The following B3GALT1 variants were observed in gnomAD, a reference collection of about 807,000 sequenced individuals.
B3GALT1 encodes beta-1,3-galactosyltransferase 1.
Under a neutral mutation model 23.2 loss-of-function variants are expected in B3GALT1, and 10 were observed. The observed-to-expected ratio is 0.43, with a 90% CI of 0.27 to 0.73. The LOEUF is 0.73. Among genes scored for constraint, B3GALT1 ranks in the 30% least tolerant of loss-of-function variants. The pLI, the probability that B3GALT1 is intolerant of heterozygous loss-of-function variation, is 0.21. For synonymous variants in B3GALT1, 156 were observed against 141.5 expected (o/e 1.10, Z -0.73); for missense variants, 299 against 405.4 (o/e 0.74, Z 2.25).
intron 1 of B3GALT1, among the ~76,000 whole-genome samples, chr2:167,446,004 G>C (rs1005166160): frequency 6.6e-6 from 1 of 152,154 alleles, no homozygotes; most frequent in Non-Finnish European, 1.5e-5. Flanking sequence ...GCTGGTACTG[G>C]TTGTTCCTTT....
chr2:167,489,391 G>A (rs1479358364), intron 1 of B3GALT1, among the ~76,000 whole-genome samples: 1 of 152,128 alleles, frequency 6.6e-6, no homozygotes, highest in Non-Finnish European at 1.5e-5. Flanking sequence ...GGGGTGTAGA[G>A]GTGTTTGGGT....
At chr2:167,835,192 G>A (rs1481816001) in intron 4 of B3GALT1, among the ~76,000 whole-genome samples, 1 of 152,166 alleles carries the variant, frequency 6.6e-6, no homozygotes, top group Non-Finnish European at 1.5e-5. Flanking sequence ...AGGTTAGTGG[G>A]TGCAGCACAC....
chr2:167,794,467 C>A (rs1353090059), intron 3 of B3GALT1, among the ~76,000 whole-genome samples: 1 of 152,134 alleles, frequency 6.6e-6, no homozygotes, highest in East Asian at 1.9e-4. Context: ...ATAACAATAA[C>A]CAGAGCATTT....
At chr2:167,663,856 T>G (rs1375728228) in intron 3 of B3GALT1, among the ~76,000 whole-genome samples, 1 of 152,160 alleles carries the variant, frequency 6.6e-6, no homozygotes, top group South Asian at 2.1e-4. Flanking sequence ...AGATTCTGGA[T>G]GTTAGCCCTT....
At chr2:167,482,231 A>G (rs1699571289) in intron 1 of B3GALT1, among the ~76,000 whole-genome samples, 2 of 152,206 alleles carry the variant, frequency 1.3e-5, no homozygotes, top group East Asian at 1.9e-4. Flanking sequence ...CAAATGAATA[A>G]TATATCAAAA....
chr2:167,619,165 G>A (rs549909212), intron 2 of B3GALT1, among the ~76,000 whole-genome samples: 1 of 151,628 alleles, frequency 6.6e-6, no homozygotes, highest in African/African-American at 2.4e-5. Context: ...TTATCTGTAT[G>A]CACTCCTAGA....
rs535037479 is a variant in B3GALT1 at position 167,597,317 on chromosome 2, G to A, written c.-409-49592G>A. ...TTTTCAGTAGAGACGGGGTTTCACC[G>A]TGTTAAACAAGATAGTCTCGATCTC... On this transcript the variant is annotated intron_variant, in intron 2 of 4. Transcript: ENST00000392690. Among the ~76,000 whole-genome samples, 123 of 151,792 alleles carry A rather than the reference G, an allele frequency of 8.1e-4. No individual in the cohort carries two copies. In the South Asian group the frequency reaches 0.011, roughly 13 times the overall value.
At chr2:167,578,028 A>C (rs1013578675) in intron 2 of B3GALT1, among the ~76,000 whole-genome samples, 1 of 151,952 alleles carries the variant, frequency 6.6e-6, no homozygotes, top group East Asian at 1.9e-4. Context: ...TTTACCCTGC[A>C]CAATTCTATT....
intron 2 of B3GALT1, among the ~76,000 whole-genome samples, chr2:167,573,545 G>C (rs980923522): frequency 6.6e-6 from 1 of 151,576 alleles, no homozygotes; most frequent in Non-Finnish European, 1.5e-5. Context: ...TTAGATTTTG[G>C]ATTTTATAGG....
At chr2:167,659,148 A>G (rs1356181527) in intron 3 of B3GALT1, among the ~76,000 whole-genome samples, 1 of 152,168 alleles carries the variant, frequency 6.6e-6, no homozygotes, top group Non-Finnish European at 1.5e-5. Flanking sequence ...ACTCAGAGAT[A>G]TAAACAAGAT....
At chr2:167,749,679 C>A (rs191678140) in intron 3 of B3GALT1, among the ~76,000 whole-genome samples, 188 of 152,266 alleles carry the variant, frequency 1.2e-3, no homozygotes, top group Middle Eastern at 3.4e-3. Context: ...AAATCCTCTC[C>A]ACTTGGAGTC....
intron 1 of B3GALT1, among the ~76,000 whole-genome samples, chr2:167,449,422 A>T (rs1229195513): frequency 6.6e-6 from 1 of 152,144 alleles, no homozygotes; most frequent in Non-Finnish European, 1.5e-5. Context: ...TAATGGAGCT[A>T]CTGATTTGTG....
At chr2:167,644,979 A>G (rs1391645643) in intron 2 of B3GALT1, among the ~76,000 whole-genome samples, 5 of 152,060 alleles carry the variant, frequency 3.3e-5, no homozygotes, top group Admixed American at 3.3e-4. Context: ...TACTGGAAAA[A>G]GTCTGAAACT....
intron 1 of B3GALT1, among the ~76,000 whole-genome samples, chr2:167,306,696 T>C (rs777174420): frequency 2.0e-5 from 3 of 151,994 alleles, no homozygotes; most frequent in Non-Finnish European, 4.4e-5. Context: ...TGTAACAAAG[T>C]GCATCTTAAT....
intron 1 of B3GALT1, among the ~76,000 whole-genome samples, chr2:167,344,741 A>G (rs545257260): frequency 3.8e-4 from 58 of 152,334 alleles, no homozygotes; most frequent in African/African-American, 1.3e-3. Context: ...AAATAAACAC[A>G]AAAGTTTACA....
chr2:167,319,492 A>G (rs1475934172), intron 1 of B3GALT1, among the ~76,000 whole-genome samples: 1 of 152,096 alleles, frequency 6.6e-6, no homozygotes, highest in Non-Finnish European at 1.5e-5. Context: ...AATTTCTATA[A>G]GCAATGGCCA....
chr2:167,636,681 T>C (rs139640054), intron 2 of B3GALT1, among the ~76,000 whole-genome samples: 3 of 152,254 alleles, frequency 2.0e-5, no homozygotes, highest in Non-Finnish European at 4.4e-5. Flanking sequence ...TCATGTCTTT[T>C]GCAGGGACAT....
intron 1 of B3GALT1, among the ~76,000 whole-genome samples, chr2:167,306,346 A>G (rs1696551740): frequency 6.6e-6 from 1 of 152,074 alleles, no homozygotes; most frequent in African/African-American, 2.4e-5. Context: ...ATTACGTACA[A>G]GTCCTACTTT....
intron 1 of B3GALT1, among the ~76,000 whole-genome samples, chr2:167,349,055 G>T (rs1362226033): frequency 1.3e-5 from 2 of 152,172 alleles, no homozygotes; most frequent in Non-Finnish European, 2.9e-5. Flanking sequence ...ATTGAAATAT[G>T]AAATAAGTGG....
Sources: allele counts gnomAD v4.1 joint callset (sites outside exome capture counted in the v4.1 genomes callset), GRCh38; gene constraint gnomAD v4.1.1; transcripts MANE v1.5; gene names NCBI Gene and HGNC (gene_info 2026-07-23, HGNC 2026-07-21).